CDH6: variants seen among roughly 807,000 people sequenced by gnomAD.
CDH6 encodes the protein cadherin-6.
Under a neutral mutation model 78.0 loss-of-function variants are expected in CDH6, and 31 were observed. The ratio of observed to expected loss-of-function variants is 0.40; its 90% confidence interval spans 0.30 to 0.54. The LOEUF (loss-of-function observed/expected upper bound fraction) is 0.54. CDH6 is among the 20% of genes least tolerant of loss of function. The pLI is 0.56. For synonymous variants in CDH6, 376 were observed against 368.8 expected (o/e 1.02, Z -0.23); for missense variants, 724 against 975.9 (o/e 0.74, Z 3.44).
intron 5 of CDH6, among the ~76,000 whole-genome samples, chr5:31,301,202 A>G (rs1337933997): frequency 6.6e-6 from 1 of 152,232 alleles, no homozygotes; most frequent in Non-Finnish European, 1.5e-5. Context: ...TCATTTTACC[A>G]AGTATGAACT....
chr5:31,200,567 T>TACGC (rs1554035110), intron 1 of CDH6, among the ~76,000 whole-genome samples: 6 of 144,372 alleles, frequency 4.2e-5, no homozygotes, highest in Admixed American at 1.4e-4. Flanking sequence ...CACACATACA[T>TACGC]ACACACACAC....
At chr5:31,293,271 T>C (rs1253242869) in intron 2 of CDH6, among the ~76,000 whole-genome samples, 1 of 152,162 alleles carries the variant, frequency 6.6e-6, no homozygotes, top group Non-Finnish European at 1.5e-5. Context: ...AATGCTATTG[T>C]TCCAAGTGAC....
chr5:31,230,202 A>C (rs1741278612), intron 1 of CDH6, among the ~76,000 whole-genome samples: 1 of 152,184 alleles, frequency 6.6e-6, no homozygotes, highest in Non-Finnish European at 1.5e-5. Context: ...GTTCTCACTC[A>C]AGGTGATATT....
At chr5:31,251,499 A>T in intron 1 of CDH6, 1 of 152,222 alleles carries the variant, frequency 6.6e-6, no homozygotes, top group East Asian at 1.9e-4. Context: ...AAGCAGGTAG[A>T]TGTCTAGAAT....
chr5:31,257,373 C>T (rs62348943), intron 1 of CDH6, among the ~76,000 whole-genome samples: 2,565 of 151,838 alleles, frequency 0.017, 36 homozygotes, highest in Non-Finnish European at 0.026. Flanking sequence ...CCGTGTTAGC[C>T]GGGATGGTCC....
intron 1 of CDH6, among the ~76,000 whole-genome samples, chr5:31,247,437 AC>A (rs1254567148): frequency 6.6e-6 from 1 of 152,112 alleles, no homozygotes; most frequent in Non-Finnish European, 1.5e-5. Flanking sequence ...AGAACATTCC[AC>A]CTGCTTCTAT....
At chr5:31,281,025 A>G (rs1742849858) in intron 2 of CDH6, among the ~76,000 whole-genome samples, 1 of 152,160 alleles carries the variant, frequency 6.6e-6, no homozygotes, top group Non-Finnish European at 1.5e-5. Context: ...TTGTGCACAT[A>G]CAGGATGCTT....
intron 1 of CDH6, among the ~76,000 whole-genome samples, chr5:31,245,690 A>C (rs1342298545): frequency 6.6e-6 from 1 of 152,160 alleles, no homozygotes; most frequent in Non-Finnish European, 1.5e-5. Flanking sequence ...TCTACAAGAA[A>C]TATTTAACCT....
chr5:31,291,318 A>G (rs2149945843), intron 2 of CDH6, among the ~76,000 whole-genome samples: 1 of 152,378 alleles, frequency 6.6e-6, no homozygotes, highest in African/African-American at 2.4e-5. Flanking sequence ...GAGAAAAAGC[A>G]TGCTGATTAT....
At chr5:31,286,085 A>C (rs954188410) in intron 2 of CDH6, among the ~76,000 whole-genome samples, 1 of 152,210 alleles carries the variant, frequency 6.6e-6, no homozygotes, top group East Asian at 1.9e-4. Context: ...CTGATCATTG[A>C]TATCTTATCC....
chr5:31,287,940 T>C (rs1371220791), intron 2 of CDH6, among the ~76,000 whole-genome samples: 3 of 152,264 alleles, frequency 2.0e-5, no homozygotes, highest in Non-Finnish European at 2.9e-5. Flanking sequence ...AATGTCTTTT[T>C]TTCCTCTTTC....
chr5:31,250,487 C>T (rs62348940), intron 1 of CDH6: 8,227 of 152,506 alleles, frequency 0.054, 254 homozygotes, highest in South Asian at 0.12. Context: ...TGTCAACAGG[C>T]CCAGCTCTAG....
rs144988258 is a variant in CDH6, at chr5:31,219,456, A to G, written c.-129+25570A>G. Among the ~76,000 whole-genome samples, 24 of 152,230 alleles carry G rather than the reference A, an allele frequency of 1.6e-4. No homozygotes were observed. In the East Asian group the frequency reaches 2.3e-3, roughly 15 times the overall value. On this transcript the variant is annotated intron_variant, in intron 1 of 11. Coordinates refer to ENST00000265071, the MANE Select transcript of CDH6 (RefSeq NM_004932.4). Reference sequence around the variant, plus strand: ...TCCCTGTAACACTTTTGCTCTTGCCATTCCTACTCTCTGAAACTCCCTTTC... The same window carrying G: ...TCCCTGTAACACTTTTGCTCTTGCCGTTCCTACTCTCTGAAACTCCCTTTC...
At chr5:31,292,863 A>G (rs985316006) in intron 2 of CDH6, among the ~76,000 whole-genome samples, 11 of 102,244 alleles carry the variant, frequency 1.1e-4, no homozygotes, top group Non-Finnish European at 2.0e-4. Context: ...ATATATATAT[A>G]TATATATATA....
intron 2 of CDH6, among the ~76,000 whole-genome samples, chr5:31,271,314 G>T (rs1742523662): frequency 6.6e-6 from 1 of 151,988 alleles, no homozygotes; most frequent in African/African-American, 2.4e-5. Context: ...GAGGGTCGTG[G>T]GTGGCGGTGG....
At chr5:31,251,425 A>G (rs1741904652) in intron 1 of CDH6, 1 of 152,354 alleles carries the variant, frequency 6.6e-6, no homozygotes, top group Non-Finnish European at 1.5e-5. Context: ...GGGCGAGGAC[A>G]CTAGGTCTAA....
rs151056259 is a variant in CDH6, at chr5:31,288,813, A to G, written c.229-5149A>G. 1.1e-4 allele frequency among the ~76,000 whole-genome samples: 16 copies of G among 152,356 alleles called. No individual in the cohort carries two copies. The East Asian group carries it at 3.1e-3, about 29-fold the overall frequency. On this transcript the variant is annotated intron_variant, in intron 2 of 11. Coordinates refer to ENST00000265071, the MANE Select transcript of CDH6 (RefSeq NM_004932.4). ...TAAAGAGCAACATTACATTTGCACTACACCGTACAAGTCCTTAGCCATAAT... is the reference window on the plus strand; with the variant it reads ...TAAAGAGCAACATTACATTTGCACTGCACCGTACAAGTCCTTAGCCATAAT...
In CDH6 at chr5:31,323,445, A is replaced by C; in HGVS notation, c.*137A>C. The C allele has an allele frequency of 1.0e-6, 1 of 999,752 alleles. No individual in the cohort carries two copies. The highest frequency in any genetic ancestry group is 1.4e-6 in the Non-Finnish European group (1 of 690,820). The allele number at this position is 999,752 out of a possible 1,614,324, so 61.9% of individuals were successfully genotyped here. On this transcript the variant is annotated 3_prime_UTR_variant, in exon 12 of 12. Transcript: ENST00000265071. ...CAATGGCTGCAGTCCGTGTGGATCCAATGTTAGAGACTTTTTTCTAGTACA... is the reference window on the plus strand; with the variant it reads ...CAATGGCTGCAGTCCGTGTGGATCCCATGTTAGAGACTTTTTTCTAGTACA...
At chr5:31,230,073 C>T (rs562991873) in intron 1 of CDH6, among the ~76,000 whole-genome samples, 2 of 152,286 alleles carry the variant, frequency 1.3e-5, no homozygotes, top group South Asian at 4.1e-4. Flanking sequence ...ACAGTGATTC[C>T]GCTCCTTGCA....
Sources: allele counts gnomAD v4.1 joint callset (sites outside exome capture counted in the v4.1 genomes callset), GRCh38; gene constraint gnomAD v4.1.1; transcripts MANE v1.5; gene names NCBI Gene and HGNC (gene_info 2026-07-23, HGNC 2026-07-21).